The following NIPSNAP1 variants were observed in gnomAD, a reference collection of about 807,000 sequenced individuals.
NIPSNAP1 encodes nipsnap homolog 1.
A neutral mutation model predicts 49.2 loss-of-function variants in NIPSNAP1; 25 were observed. That is an observed-to-expected ratio of 0.51 (90% CI 0.37 to 0.71). The LOEUF (loss-of-function observed/expected upper bound fraction) is 0.71, where lower values mean the gene tolerates loss of function less well. NIPSNAP1 is among the 30% of genes least tolerant of loss of function. The pLI, the probability that NIPSNAP1 is intolerant of heterozygous loss-of-function variation, is 0.00. For missense variants in NIPSNAP1, 294 were observed against 361.0 expected, an observed-to-expected ratio of 0.81 and a Z score of 1.50; for synonymous variants, 143 against 140.7, an observed-to-expected ratio of 1.02 and a Z score of -0.12.
chr22:29,574,261 CAAAAAAAAAAAAAAAA>C (rs1158442759), intron 1 of NIPSNAP1, among the ~76,000 whole-genome samples: 1 of 36,692 alleles, frequency 2.7e-5, no homozygotes, highest in Admixed American at 4.4e-4. Flanking sequence ...TCCATCTTCA[CAAAAAAAAAAAAAAAA>C]AAAAAAAAAA....
chr22:29,564,341 T>C (rs773980240), intron 4 of NIPSNAP1: 31 of 470,948 alleles, frequency 6.6e-5, no homozygotes, highest in South Asian at 4.6e-4. Flanking sequence ...AAGTACTGTA[T>C]GGATAGAAAT....
At chr22:29,579,289 C>CTTTTTTTTTTTT (rs34084606) in intron 1 of NIPSNAP1, among the ~76,000 whole-genome samples, 2 of 57,374 alleles carry the variant, frequency 3.5e-5, no homozygotes, top group Non-Finnish European at 6.0e-5. Context: ...AATTTTTGTA[C>CTTTTTTTTTTTT]TTTTTTTTTT....
At chr22:29,564,235 C>T (rs1235660964) in intron 4 of NIPSNAP1, 1 of 441,068 alleles carries the variant, frequency 2.3e-6, no homozygotes, top group Non-Finnish European at 4.7e-6. Context: ...GCCTGACCTT[C>T]ACCTGTTTTT....
At chr22:29,567,946 G>A (rs548861982) in intron 4 of NIPSNAP1, among the ~76,000 whole-genome samples, 1 of 152,156 alleles carries the variant, frequency 6.6e-6, no homozygotes, top group South Asian at 2.1e-4. Flanking sequence ...GGGAGGCCGA[G>A]GAGGTAGGAT....
At chr22:29,580,551 T>G (rs1476634562) in intron 1 of NIPSNAP1, among the ~76,000 whole-genome samples, 1 of 152,028 alleles carries the variant, frequency 6.6e-6, no homozygotes, top group Non-Finnish European at 1.5e-5. Context: ...GAACAAAGGG[T>G]CTGTGCAGCC....
chr22:29,561,700 AGT>A, intron 5 of NIPSNAP1, 54 bp from the exon 6 acceptor site: 1 of 1,614,104 alleles, frequency 6.2e-7, no homozygotes, highest in Non-Finnish European at 8.5e-7. Flanking sequence ...CCATCCTGAC[AGT>A]GTGCCTCATG....
At chr22:29,580,217 A>G (rs1293153420) in intron 1 of NIPSNAP1, 22 of 1,303,288 alleles carry the variant, frequency 1.7e-5, no homozygotes, top group Non-Finnish European at 2.0e-5. Flanking sequence ...GCACCAAGTC[A>G]TAACTGTGCA....
intron 4 of NIPSNAP1, among the ~76,000 whole-genome samples, chr22:29,563,227 G>C (rs1420185565): frequency 6.6e-6 from 1 of 151,948 alleles, no homozygotes; most frequent in Admixed American, 6.6e-5. Context: ...GATTGTGCCA[G>C]TGTACTCCAG....
At chr22:29,564,305 G>A (rs1234976162) in intron 4 of NIPSNAP1, 1 of 470,466 alleles carries the variant, frequency 2.1e-6, no homozygotes, top group Non-Finnish European at 4.4e-6. Context: ...ATGGTTTAAA[G>A]GTCTTTTTCC....
chr22:29,558,617 C>A (rs1239114753), intron 9 of NIPSNAP1, among the ~76,000 whole-genome samples: 2 of 152,188 alleles, frequency 1.3e-5, no homozygotes, highest in Non-Finnish European at 2.9e-5. Context: ...CCCAAGGTCA[C>A]AATGGGCGTT....
chr22:29,574,901 C>G (rs959053717), intron 1 of NIPSNAP1, among the ~76,000 whole-genome samples: 1 of 152,072 alleles, frequency 6.6e-6, no homozygotes, highest in Non-Finnish European at 1.5e-5. Context: ...GTTGCAGGAT[C>G]TCACTGATTC....
chr22:29,577,694 G>A (rs1018591217), intron 1 of NIPSNAP1, among the ~76,000 whole-genome samples: 2 of 150,574 alleles, frequency 1.3e-5, no homozygotes, highest in African/African-American at 5.0e-5. Context: ...GATTACAGGT[G>A]TGAGCCAACG....
intron 4 of NIPSNAP1, among the ~76,000 whole-genome samples, chr22:29,566,141 C>CT (rs11369607): frequency 0.79 from 119,683 of 151,430 alleles, 47,874 homozygotes; most frequent in African/African-American, 0.88. Context: ...TGAATTTTTT[C>CT]TTTTTAAAAT....
At position 29,560,814 on chromosome 22, in the gene NIPSNAP1, T is replaced by A; in HGVS notation, c.626A>T (p.Lys209Met). 3 of 1,614,092 alleles carry A rather than the reference T, an allele frequency of 1.9e-6. No individual in the cohort carries two copies. The highest frequency in any genetic ancestry group is 2.5e-6 in the Non-Finnish European group (3 of 1,180,008). ...EWGNNWARAIKYRQENQEAVG... is the reference protein window; with the variant it reads ...EWGNNWARAIMYRQENQEAVG... Reference sequence around the variant, plus strand: ...TGCCTCCTGGTTCTCCTGCCGGTACTTGATGGCCCGAGCCCTGGAGAAGGC... The same window carrying A: ...TGCCTCCTGGTTCTCCTGCCGGTACATGATGGCCCGAGCCCTGGAGAAGGC... Residue 209 changes from lysine to methionine, a missense_variant, in exon 8 of 10, where the codon AAG becomes ATG. Physicochemically the swap from Lys to Met is moderately conservative, Grantham distance 95. Coordinates refer to ENST00000216121, the MANE Select transcript of NIPSNAP1 (RefSeq NM_003634.4).
At chr22:29,578,383 G>A (rs554769868) in intron 1 of NIPSNAP1, among the ~76,000 whole-genome samples, 3 of 151,346 alleles carry the variant, frequency 2.0e-5, no homozygotes, top group South Asian at 4.1e-4. Context: ...TGTTGCCCAG[G>A]CTGGTCTCAA....
chr22:29,569,056 G>T, intron 4 of NIPSNAP1, 137 bp downstream of exon 4: 1 of 721,288 alleles, frequency 1.4e-6, no homozygotes. Flanking sequence ...TTTGAGCAGG[G>T]GAGTGAGGTG....
chr22:29,555,876 C>T lies in NIPSNAP1; in HGVS notation c.*59G>A. ...AACCAAGACAGCAGGACCAGGAGTG[C>T]CACTGTCTGTCGGGGTTGCCTGAGG... On this transcript the variant is annotated 3_prime_UTR_variant, in exon 10 of 10. Coordinates refer to ENST00000216121, the MANE Select transcript of NIPSNAP1 (RefSeq NM_003634.4). The T allele has an allele frequency of 1.4e-6, 2 of 1,463,704 alleles. No individual in the cohort carries two copies. The highest frequency in any genetic ancestry group is 1.4e-5 in the African/African-American group (1 of 71,288). The allele number at this position is 1,463,704 out of a possible 1,614,324, so 90.7% of individuals were successfully genotyped here.
intron 4 of NIPSNAP1, among the ~76,000 whole-genome samples, chr22:29,566,026 G>A (rs1051296167): frequency 6.6e-6 from 1 of 152,140 alleles, no homozygotes; most frequent in Non-Finnish European, 1.5e-5. Context: ...TGTTATGGCT[G>A]TGCTATGCAG....
At position 29,569,319 on chromosome 22, in the gene NIPSNAP1, C is replaced by T. The variant is rs200757462; in HGVS notation, c.273-32G>A. 12 of 1,536,640 alleles carry T rather than the reference C, an allele frequency of 7.8e-6. No individual in the cohort carries two copies. In the East Asian group the frequency reaches 2.5e-4, roughly 32 times the overall value. On this transcript the variant is annotated intron_variant, in intron 3 of 9. Transcript: ENST00000216121. ...GGGAGGTGCAGAGAGGGGCAGGGTT[C>T]ACATAGCCACCAGGGCCTCTGAGAT...
Sources: allele counts gnomAD v4.1 joint callset (sites outside exome capture counted in the v4.1 genomes callset), GRCh38; gene constraint gnomAD v4.1.1; transcripts MANE v1.5; gene names NCBI Gene and HGNC (gene_info 2026-07-23, HGNC 2026-07-21).